Variants in ALK observed in about 807,000 individuals in gnomAD.
The protein encoded by ALK is ALK receptor tyrosine kinase.
Under a neutral mutation model 163.1 loss-of-function variants are expected in ALK, and 74 were observed. The ratio of observed to expected loss-of-function variants is 0.45; its 90% CI spans 0.38 to 0.55. ALK has a LOEUF of 0.55. ALK is among the 20% of genes least tolerant of loss of function. The pLI is 0.00. For missense variants in ALK, 2,063 were observed against 2,105.3 expected, an observed-to-expected ratio of 0.98 and a Z score of 0.39; for synonymous variants, 960 against 843.2, an observed-to-expected ratio of 1.14 and a Z score of -2.40.
chr2:29,388,717 T>A (rs1404540703), intron 4 of ALK, among the ~76,000 whole-genome samples: 2 of 152,222 alleles, frequency 1.3e-5, no homozygotes, highest in East Asian at 3.8e-4. Flanking sequence ...GGAATGACAC[T>A]GGTCCTTGCA....
At chr2:29,850,623 T>C (rs1424543890) in intron 1 of ALK, among the ~76,000 whole-genome samples, 3 of 152,154 alleles carry the variant, frequency 2.0e-5, no homozygotes, top group African/African-American at 4.8e-5. Context: ...ACCTCAAGGA[T>C]AGCTTCATTT....
At chr2:29,331,220 A>G (rs748228130) in intron 5 of ALK, among the ~76,000 whole-genome samples, 1 of 152,242 alleles carries the variant, frequency 6.6e-6, no homozygotes, top group Non-Finnish European at 1.5e-5. Flanking sequence ...CTGGGCCTCA[A>G]GATAGCCTAA....
At chr2:29,854,856 G>T (rs1666097743) in intron 1 of ALK, among the ~76,000 whole-genome samples, 1 of 152,074 alleles carries the variant, frequency 6.6e-6, no homozygotes, top group Admixed American at 6.5e-5. Flanking sequence ...TCATTGATGT[G>T]CGTGCATACT....
chr2:29,298,353 C>T (rs1167422212), intron 8 of ALK, among the ~76,000 whole-genome samples: 1 of 152,146 alleles, frequency 6.6e-6, no homozygotes, highest in African/African-American at 2.4e-5. Flanking sequence ...CCTCACTTAG[C>T]TTTCTTGTAC....
chr2:29,766,450 A>G (rs1184979740), intron 1 of ALK, among the ~76,000 whole-genome samples: 1 of 152,186 alleles, frequency 6.6e-6, no homozygotes, highest in African/African-American at 2.4e-5. Context: ...CACATATTTG[A>G]GTATTGACTC....
At chr2:29,629,792 T>C (rs1233440313) in intron 3 of ALK, among the ~76,000 whole-genome samples, 1 of 152,206 alleles carries the variant, frequency 6.6e-6, no homozygotes, top group South Asian at 2.1e-4. Context: ...AGTCTCATTT[T>C]ACAGGTCAAA....
At chr2:29,699,362 G>A (rs1244312894) in intron 2 of ALK, among the ~76,000 whole-genome samples, 2 of 152,156 alleles carry the variant, frequency 1.3e-5, no homozygotes, top group African/African-American at 4.8e-5. Context: ...CTATAGGTGA[G>A]GAAGCTGAGG....
rs113571851 is a variant in ALK, at chr2:29,401,940, A to G, written c.1155-18081T>C. Among the ~76,000 whole-genome samples, 175 of 152,366 alleles carry G rather than the reference A, an allele frequency of 1.1e-3. 2 individuals carry two copies. The highest frequency in any genetic ancestry group is 3.9e-3 in the African/African-American group (164 of 41,586). On this transcript the variant is annotated intron_variant, in intron 4 of 28. Transcript: ENST00000389048. Reference sequence around the variant, plus strand: ...TTCAATGCCATATTAAAAGGATTTTAATACTAAGAAGTAGAAATAATGAAT... The same window carrying G: ...TTCAATGCCATATTAAAAGGATTTTGATACTAAGAAGTAGAAATAATGAAT...
chr2:29,431,368 TAAG>T (rs1670268334), intron 4 of ALK, among the ~76,000 whole-genome samples: 1 of 152,192 alleles, frequency 6.6e-6, no homozygotes, highest in South Asian at 2.1e-4. Flanking sequence ...GCTAATGGGT[TAAG>T]GAGGAGATGG....
intron 1 of ALK, among the ~76,000 whole-genome samples, chr2:29,785,708 G>T (rs1197783946): frequency 6.6e-6 from 1 of 152,144 alleles, no homozygotes; most frequent in East Asian, 1.9e-4. Flanking sequence ...GAATCCTGCA[G>T]TGGGAAAATT....
At chr2:29,346,212 C>G (rs1249617511) in intron 5 of ALK, among the ~76,000 whole-genome samples, 1 of 152,206 alleles carries the variant, frequency 6.6e-6, no homozygotes, top group Non-Finnish European at 1.5e-5. Flanking sequence ...CTCTTCCAAG[C>G]CCTTTCATGT....
At chr2:29,770,785 C>T (rs1680997631) in intron 1 of ALK, among the ~76,000 whole-genome samples, 5 of 152,172 alleles carry the variant, frequency 3.3e-5, no homozygotes, top group Middle Eastern at 6.8e-3. Flanking sequence ...AAGCAAATCA[C>T]CAGTCCAGGA....
chr2:29,635,613 GTTTTA>G (rs1244542732), intron 3 of ALK, among the ~76,000 whole-genome samples: 3 of 151,874 alleles, frequency 2.0e-5, no homozygotes, highest in South Asian at 4.2e-4. Flanking sequence ...CATTTCTATT[GTTTTA>G]TTTTATTTTA....
At chr2:29,549,168 A>G (rs1673650500) in intron 3 of ALK, among the ~76,000 whole-genome samples, 1 of 151,986 alleles carries the variant, frequency 6.6e-6, no homozygotes, top group East Asian at 1.9e-4. Context: ...ACACGCACAC[A>G]CACACGGACA....
At chr2:29,473,795 G>A (rs1035109660) in intron 4 of ALK, among the ~76,000 whole-genome samples, 6 of 152,142 alleles carry the variant, frequency 3.9e-5, no homozygotes, top group South Asian at 2.1e-4. Context: ...GGCAGAAGTT[G>A]CAGTGATCCA....
intron 3 of ALK, among the ~76,000 whole-genome samples, chr2:29,589,737 C>T (rs1674993618): frequency 6.6e-6 from 1 of 152,184 alleles, no homozygotes; most frequent in Admixed American, 6.5e-5. Flanking sequence ...ACACTATCCC[C>T]ATTTTATGGA....
At chr2:29,273,001 T>G (rs1400863748) in intron 11 of ALK, among the ~76,000 whole-genome samples, 1 of 152,244 alleles carries the variant, frequency 6.6e-6, no homozygotes, top group African/African-American at 2.4e-5. Context: ...CAAGCTGTTG[T>G]GTGAAATAAC....
At chr2:29,203,924 G>A (rs1018357584) in intron 26 of ALK, among the ~76,000 whole-genome samples, 1 of 151,774 alleles carries the variant, frequency 6.6e-6, no homozygotes, top group Admixed American at 6.6e-5. Context: ...TTCTCTCTGG[G>A]ACTCCTATTT....
chr2:29,554,558 G>A (rs537257982), intron 3 of ALK, among the ~76,000 whole-genome samples: 20 of 152,282 alleles, frequency 1.3e-4, no homozygotes, highest in African/African-American at 4.8e-4. Flanking sequence ...TGAATATCTG[G>A]AGCTGTTCTG....
Sources: allele counts gnomAD v4.1 joint callset (sites outside exome capture counted in the v4.1 genomes callset), GRCh38; gene constraint gnomAD v4.1.1; transcripts MANE v1.5; gene names NCBI Gene and HGNC (gene_info 2026-07-23, HGNC 2026-07-21).